SLC2A13: variants seen among roughly 807,000 people sequenced by gnomAD.
The protein encoded by SLC2A13 is solute carrier family 2 member 13.
Under a neutral mutation model 64.4 loss-of-function variants are expected in SLC2A13, and 32 were observed. The observed-to-expected ratio is 0.50, with a 90% CI of 0.37 to 0.67. The LOEUF (loss-of-function observed/expected upper bound fraction) is 0.67, where lower values mean the gene tolerates loss of function less well. Ranked by LOEUF, SLC2A13 falls within the 30% of genes least tolerant of loss-of-function variation. The pLI is 0.00. For synonymous variants in SLC2A13, 338 were observed against 327.1 expected, an observed-to-expected ratio of 1.03 and a Z score of -0.36; for missense variants, 743 against 829.2, an observed-to-expected ratio of 0.90 and a Z score of 1.28.
intron 3 of SLC2A13, among the ~76,000 whole-genome samples, chr12:39,997,872 A>G (rs28740189): frequency 1.3e-3 from 193 of 152,268 alleles, no homozygotes; most frequent in Non-Finnish European, 1.5e-3. Flanking sequence ...AAAAAATAGT[A>G]GATGTTGATG....
intron 4 of SLC2A13, among the ~76,000 whole-genome samples, chr12:39,934,571 A>C (rs1443202740): frequency 2.0e-5 from 3 of 152,232 alleles, no homozygotes. Flanking sequence ...TGGTCCTTGC[A>C]AACAGTCTTA....
intron 3 of SLC2A13, among the ~76,000 whole-genome samples, chr12:39,980,698 G>C (rs1269629165): frequency 6.6e-6 from 1 of 151,660 alleles, no homozygotes; most frequent in Admixed American, 6.6e-5. Flanking sequence ...CCTACAAAGA[G>C]ACTTAGACTC....
At chr12:40,047,969 A>G in intron 2 of SLC2A13, 82 bp downstream of exon 2, 1 of 1,329,496 alleles carries the variant, frequency 7.5e-7, no homozygotes, top group Non-Finnish European at 1.0e-6. Context: ...ACACAGCTAT[A>G]TTTTGACTAT....
intron 6 of SLC2A13, among the ~76,000 whole-genome samples, chr12:39,841,556 C>A (rs1289061532): frequency 6.6e-6 from 1 of 151,910 alleles, no homozygotes; most frequent in Non-Finnish European, 1.5e-5. Context: ...AAATGTATAT[C>A]TATATACATA....
chr12:39,959,911 A>T (rs1171448233), intron 3 of SLC2A13, among the ~76,000 whole-genome samples: 1 of 152,172 alleles, frequency 6.6e-6, no homozygotes, highest in Non-Finnish European at 1.5e-5. Context: ...TGCATCTACC[A>T]ACCAACCCAT....
intron 3 of SLC2A13, among the ~76,000 whole-genome samples, chr12:40,017,990 A>G (rs546671482): frequency 1.8e-4 from 27 of 151,386 alleles, no homozygotes; most frequent in East Asian, 7.7e-4. Flanking sequence ...AAAAAAAAAA[A>G]AAAGAAAGAA....
chr12:39,793,686 G>T (rs1164555762), intron 7 of SLC2A13, among the ~76,000 whole-genome samples: 1 of 152,024 alleles, frequency 6.6e-6, no homozygotes, highest in African/African-American at 2.4e-5. Flanking sequence ...CTGATTTTAG[G>T]CATTCCAAAC....
At chr12:39,960,442 G>A (rs11174478) in intron 3 of SLC2A13, among the ~76,000 whole-genome samples, 46,300 of 152,098 alleles carry the variant, frequency 0.3, 7,831 homozygotes, top group Non-Finnish European at 0.4. Context: ...GTGCAGCAGC[G>A]TGATCTCAGC....
At chr12:39,973,923 C>T (rs1260818912) in intron 3 of SLC2A13, among the ~76,000 whole-genome samples, 1 of 152,168 alleles carries the variant, frequency 6.6e-6, no homozygotes, top group Admixed American at 6.5e-5. Flanking sequence ...ACGACAACTG[C>T]TTGTGATTCA....
chr12:39,789,622 T>C (rs1474317239), intron 7 of SLC2A13, among the ~76,000 whole-genome samples: 1 of 152,182 alleles, frequency 6.6e-6, no homozygotes, highest in Non-Finnish European at 1.5e-5. Flanking sequence ...TTATAGATAA[T>C]ACAAACTGTG....
chr12:39,792,393 A>G (rs1270813689), intron 7 of SLC2A13, among the ~76,000 whole-genome samples: 1 of 152,118 alleles, frequency 6.6e-6, no homozygotes, highest in Non-Finnish European at 1.5e-5. Flanking sequence ...ATTAAACTAA[A>G]GAGCTTCTGC....
chr12:39,782,055 G>A (rs188556245), intron 7 of SLC2A13, among the ~76,000 whole-genome samples: 73 of 152,284 alleles, frequency 4.8e-4, no homozygotes, highest in African/African-American at 1.5e-3. Flanking sequence ...TGGTGGGGTC[G>A]AGGTAATCAT....
intron 4 of SLC2A13, among the ~76,000 whole-genome samples, chr12:39,946,800 A>T (rs1210005985): frequency 6.6e-6 from 1 of 152,228 alleles, no homozygotes; most frequent in Non-Finnish European, 1.5e-5. Context: ...CAGTTGTGAA[A>T]GAAAAGGGCT....
chr12:39,759,874 T>C lies in SLC2A13; in HGVS notation c.*152A>G, dbSNP rs1314928509. The C allele has an allele frequency of 3.3e-6, 2 of 599,834 alleles. No individual in the cohort carries two copies. The highest frequency in any genetic ancestry group is 5.8e-6 in the Non-Finnish European group (2 of 342,880). 37.2% of individuals were successfully genotyped at this position (599,834 alleles called of 1,614,324 possible). On this transcript the variant is annotated 3_prime_UTR_variant, in exon 10 of 10. Coordinates refer to ENST00000280871, the MANE Select transcript of SLC2A13 (RefSeq NM_052885.4). Reference sequence around the variant, plus strand: ...TGGAAAAAAAAAGTCATCATGGTTGTATCTTCCTCCTAATCAAGTATTCTA... The same window carrying C: ...TGGAAAAAAAAAGTCATCATGGTTGCATCTTCCTCCTAATCAAGTATTCTA...
At chr12:40,068,821 A>G (rs546374589) in intron 1 of SLC2A13, among the ~76,000 whole-genome samples, 2 of 151,666 alleles carry the variant, frequency 1.3e-5, no homozygotes, top group African/African-American at 4.8e-5. Flanking sequence ...ACTTAATATG[A>G]GATCTCTTGT....
chr12:39,844,783 C>T (rs958965424), intron 6 of SLC2A13, among the ~76,000 whole-genome samples: 5 of 151,834 alleles, frequency 3.3e-5, no homozygotes, highest in South Asian at 4.2e-4. Context: ...CCTCATCTGA[C>T]AAATTAAAAT....
chr12:39,764,826 T>G lies in SLC2A13; in HGVS notation c.1478A>C (p.Asp493Ala). The change falls in exon 8 of 10, where the codon GAT becomes GCT. Residue 493 changes from aspartate (D) to alanine (A), a missense_variant. Transcript: ENST00000280871. Reference protein sequence around the residue: ...CENETKFKTEDIFWAYNFCPT... With the variant: ...CENETKFKTEAIFWAYNFCPT... ...GCAGAAATTGTAAGCCCAAAATATA[T>G]CTTCTGTTTTGAACTTGGTTTCATT... is the stretch of plus-strand genomic sequence containing the variant. 2 of 1,612,382 alleles carry G rather than the reference T, an allele frequency of 1.2e-6. No homozygotes were observed. Among genetic ancestry groups the G allele is most frequent in the Non-Finnish European group, 1.7e-6 (2 of 1,179,070 alleles).
At chr12:39,938,518 TAC>T (rs1217949801) in intron 4 of SLC2A13, among the ~76,000 whole-genome samples, 9 of 152,000 alleles carry the variant, frequency 5.9e-5, no homozygotes, top group Middle Eastern at 3.2e-3. Context: ...AATACATACA[TAC>T]ATTAATGATG....
chr12:39,922,946 C>A (rs1365026509), intron 4 of SLC2A13, among the ~76,000 whole-genome samples: 1 of 152,122 alleles, frequency 6.6e-6, no homozygotes, highest in Non-Finnish European at 1.5e-5. Flanking sequence ...TTATCACTGT[C>A]CTCAAAAATT....
Sources: gnomAD v4.1 joint callset for allele counts (sites outside exome capture counted in the v4.1 genomes callset) on GRCh38, gnomAD v4.1.1 for gene constraint, MANE v1.5 for transcripts, NCBI Gene and HGNC (gene_info 2026-07-23, HGNC 2026-07-21) for gene names.